The following PHF20L1 variants were observed in gnomAD, a reference collection of about 807,000 sequenced individuals.
PHF20L1 encodes PHD finger protein 20-like protein 1.
A neutral mutation model predicts 125.5 loss-of-function variants in PHF20L1; 44 were observed. The observed-to-expected ratio is 0.35, with a 90% CI of 0.28 to 0.45. The LOEUF (loss-of-function observed/expected upper bound fraction) is 0.45. PHF20L1 is among the 20% of genes least tolerant of loss of function. The probability of loss-of-function intolerance (pLI) is 1.00; values close to 1 mark genes in which losing one functional copy is unlikely to be tolerated. For missense variants in PHF20L1, 1,012 were observed against 1,217.2 expected (o/e 0.83, Z 2.51); for synonymous variants, 380 against 403.1 (o/e 0.94, Z 0.69).
intron 11 of PHF20L1, 110 bp from the exon 12 acceptor site, chr8:132,817,229 C>T (rs1748242504): frequency 2.0e-6 from 2 of 1,006,740 alleles, no homozygotes; most frequent in Non-Finnish European, 2.9e-6. Flanking sequence ...TATTGAGTGC[C>T]TTCTTTGTGC....
intron 2 of PHF20L1, among the ~76,000 whole-genome samples, chr8:132,787,983 A>T (rs534807831): frequency 5.3e-5 from 8 of 152,152 alleles, no homozygotes; most frequent in African/African-American, 1.9e-4. Flanking sequence ...TATGACTACC[A>T]TAGTTATAGA....
chr8:132,827,080 A>C lies in PHF20L1; in HGVS notation c.1744+1709A>C, dbSNP rs115877354. Among the ~76,000 whole-genome samples the C allele has an allele frequency of 3.9e-3, 595 of 151,592 alleles. 4 individuals are homozygous for C. Among genetic ancestry groups the C allele is most frequent in the African/African-American group, 0.012 (505 of 41,036 alleles). On this transcript the variant is annotated intron_variant, in intron 14 of 20. Transcript: ENST00000395386. ...GGATCAAAATGGGGTTCAAAGCTTG[A>C]AACGGCTTTCCAGAGAGTCTTGAAC...
In PHF20L1 at chr8:132,794,502, A is replaced by T. The variant is rs1200035325; in HGVS notation, c.176A>T (p.Tyr59Phe). 1 of 1,610,342 alleles carries T rather than the reference A, an allele frequency of 6.2e-7. No individual in the cohort carries two copies. Among genetic ancestry groups the T allele is most frequent in the African/African-American group, 1.3e-5 (1 of 74,954 alleles). ...RWSHRYDEWI[Y>F]WDSNRLRPLE... is the part of the protein sequence containing the mutation. ...AGTCATCGTTATGATGAGTGGATTT[A>T]CTGGGATAGCAATAGATTGCGACCC... Residue 59 changes from tyrosine (Y) to phenylalanine (F), a missense_variant, in exon 3 of 21, where the codon TAC (tyrosine) becomes TTC (phenylalanine). Tyr to Phe is a conservative substitution (Grantham distance 22, BLOSUM62 3). Coordinates refer to ENST00000395386, the MANE Select transcript of PHF20L1 (RefSeq NM_016018.5).
chr8:132,810,648 G>A (rs1195920131), intron 8 of PHF20L1: 3 of 157,110 alleles, frequency 1.9e-5, no homozygotes, highest in Admixed American at 1.9e-4. Context: ...TGTTCTGGAT[G>A]TTTGGAAGGA....
Position 132,842,806 on chromosome 8 carries a change from A to G in PHF20L1, c.2679A>G (p.Glu893=), listed in dbSNP as rs1333703401. ...ATGATGTTAGTAGTTTGGAAGAAGA[A>G]CAAGAATTCCACATGAGAAGTAAAA... The part of the protein sequence containing the change: ...DDDDVSSLEE[E]QEFHMRSKNS... The change falls in exon 19 of 21, where the codon GAA becomes GAG. Residue 893 remains glutamate (E), a synonymous_variant. Coordinates refer to ENST00000395386, the MANE Select transcript of PHF20L1 (RefSeq NM_016018.5). The G allele has an allele frequency of 1.2e-6, 2 of 1,612,982 alleles. No individual in the cohort carries two copies. Among genetic ancestry groups the G allele is most frequent in the African/African-American group, 1.3e-5 (1 of 74,880 alleles).
rs891429668 is a variant in PHF20L1 at position 132,848,652 on chromosome 8, C to A, written c.*2729C>A. 5 of 152,334 alleles carry A rather than the reference C, an allele frequency of 3.3e-5. No homozygotes were observed. The highest frequency in any genetic ancestry group is 1.2e-4 in the African/African-American group (5 of 41,394). The allele number at this position is 152,334 out of a possible 1,614,324, so 9.4% of individuals were successfully genotyped here. A position where few individuals can be genotyped will look rare whatever the true frequency, so the allele number is the denominator to read the frequency against. On this transcript the variant is annotated 3_prime_UTR_variant, in exon 21 of 21. Transcript: ENST00000395386. Reference sequence around the variant, plus strand: ...TTCCAAACTTAAGAGTAATGTACTTCGAAAACAACTTGGTTATTCTTTAAA... The same window carrying A: ...TTCCAAACTTAAGAGTAATGTACTTAGAAAACAACTTGGTTATTCTTTAAA...
chr8:132,846,372 C>T lies in PHF20L1; in HGVS notation c.*449C>T, dbSNP rs1356582278. On this transcript the variant is annotated 3_prime_UTR_variant, in exon 21 of 21. Coordinates refer to ENST00000395386, the MANE Select transcript of PHF20L1 (RefSeq NM_016018.5). ...TTCTGGAGAATTCTACAGGGTTGCT[C>T]TAAGAACTGTCTTCTCAGCAGTTGA... 6.5e-6 allele frequency: 1 copy of T among 152,948 alleles called. No homozygotes were observed. Among genetic ancestry groups the T allele is most frequent in the Non-Finnish European group, 1.5e-5 (1 of 68,328 alleles). The allele number at this position is 152,948 out of a possible 1,614,324, so 9.5% of individuals were successfully genotyped here.
rs1266268192 is a variant in PHF20L1 at position 132,813,479 on chromosome 8, ATTAT to A, written c.931-1146_931-1143del. 3.3e-5 allele frequency among the ~76,000 whole-genome samples: 5 copies of A among 152,036 alleles called. No individual in the cohort carries two copies. The South Asian group carries it at 1.0e-3, about 32-fold the overall frequency. On this transcript the variant is annotated intron_variant, in intron 9 of 20. Coordinates refer to ENST00000395386, the MANE Select transcript of PHF20L1 (RefSeq NM_016018.5). The stretch of plus-strand genomic sequence containing the variant: ...TGACTTGTATCTCAGTGGGAACAGA[ATTAT>A]TTATTTATTTAGTCCCCAGAAAATG...
At chr8:132,832,943 G>A (rs968597455) in intron 15 of PHF20L1, among the ~76,000 whole-genome samples, 2 of 152,120 alleles carry the variant, frequency 1.3e-5, no homozygotes, top group Non-Finnish European at 2.9e-5. Flanking sequence ...TAGGTAGTCA[G>A]AAGGCCACGT....
At chr8:132,780,776 T>G (rs1490072352) in intron 2 of PHF20L1, among the ~76,000 whole-genome samples, 1 of 151,878 alleles carries the variant, frequency 6.6e-6, no homozygotes, top group African/African-American at 2.4e-5. Context: ...AATCACCTTT[T>G]GAAGAGAAGT....
chr8:132,847,694 C>A lies in PHF20L1; in HGVS notation c.*1771C>A, dbSNP rs1838515574. 1 of 152,498 alleles carries A rather than the reference C, an allele frequency of 6.6e-6. No individual in the cohort carries two copies. Among genetic ancestry groups the A allele is most frequent in the African/African-American group, 2.4e-5 (1 of 41,410 alleles). The allele number at this position is 152,498 out of a possible 1,614,324, so 9.4% of individuals were successfully genotyped here. The stretch of plus-strand genomic sequence containing the variant: ...TGCCTTTTGAGATTCTCCAACTTGA[C>A]AAATGTGCCAAAGATCAACAGACAG... On this transcript the variant is annotated 3_prime_UTR_variant, in exon 21 of 21. Coordinates refer to ENST00000395386, the MANE Select transcript of PHF20L1 (RefSeq NM_016018.5).
intron 14 of PHF20L1, 99 bp downstream of exon 14, chr8:132,825,470 G>GTGTCCCGTGTTGAGAAC: frequency 1.0e-6 from 1 of 954,810 alleles, no homozygotes; most frequent in East Asian, 2.8e-5. Context: ...CACGATCCCC[G>GTGTCCCGTGTTGAGAAC]TGTCCCGTGT....
chr8:132,789,970 A>G lies in PHF20L1; in HGVS notation c.84-4440A>G, dbSNP rs528628975. 9.2e-5 allele frequency among the ~76,000 whole-genome samples: 14 copies of G among 152,306 alleles called. No individual in the cohort carries two copies. In the East Asian group the frequency reaches 1.2e-3, roughly 13 times the overall value. On this transcript the variant is annotated intron_variant, in intron 2 of 20. Coordinates refer to ENST00000395386, the MANE Select transcript of PHF20L1 (RefSeq NM_016018.5). Reference sequence around the variant, plus strand: ...CTCTAATCATTGTTATCGGCATCTTATCTCTGACTCTTCAAAATCTGAAAC... The same window carrying G: ...CTCTAATCATTGTTATCGGCATCTTGTCTCTGACTCTTCAAAATCTGAAAC...
chr8:132,832,461 TA>T, intron 15 of PHF20L1, 62 bp downstream of exon 15: 1 of 1,174,988 alleles, frequency 8.5e-7, no homozygotes, highest in African/African-American at 1.5e-5. Flanking sequence ...TAACTGAGAA[TA>T]AAACGTACTC....
intron 8 of PHF20L1, chr8:132,807,676 C>T (rs1213829090): frequency 1.6e-5 from 7 of 450,930 alleles, no homozygotes; most frequent in Non-Finnish European, 1.8e-5. Flanking sequence ...TTCCCCTTTC[C>T]CATTCCAGGG....
chr8:132,817,236 G>C, intron 11 of PHF20L1, 103 bp from the exon 12 acceptor site: 1 of 1,043,614 alleles, frequency 9.6e-7, no homozygotes. Flanking sequence ...TGCCTTCTTT[G>C]TGCCAGGCAC....
rs112329480 is a variant in PHF20L1 at position 132,794,289 on chromosome 8, C to T, written c.84-121C>T. On this transcript the variant is annotated intron_variant, in intron 2 of 20. Transcript: ENST00000395386. Reference sequence around the variant, plus strand: ...TTTTTGGTTAGTTTTAAAATATGGACGTATTTATTGTTTTCTTCATGGTTT... The same window carrying T: ...TTTTTGGTTAGTTTTAAAATATGGATGTATTTATTGTTTTCTTCATGGTTT... 990 of 582,434 alleles carry T rather than the reference C, an allele frequency of 1.7e-3. 4 individuals carry two copies. The highest frequency in any genetic ancestry group is 8.8e-3 in the African/African-American group (467 of 53,264). The allele number at this position is 582,434 out of a possible 1,614,324, so 36.1% of individuals were successfully genotyped here.
intron 16 of PHF20L1, 46 bp downstream of exon 16, chr8:132,836,767 G>A (rs753078040): frequency 2.6e-5 from 37 of 1,398,890 alleles, no homozygotes; most frequent in Non-Finnish European, 3.1e-5. Flanking sequence ...GTTGTTTCAG[G>A]TGCTCAGCAA....
intron 2 of PHF20L1, among the ~76,000 whole-genome samples, chr8:132,782,378 G>A (rs907113336): frequency 6.6e-6 from 1 of 152,142 alleles, no homozygotes; most frequent in Non-Finnish European, 1.5e-5. Context: ...ATAAAATTAT[G>A]TATTGCTTTA....
Sources: allele counts gnomAD v4.1 joint callset (sites outside exome capture counted in the v4.1 genomes callset), GRCh38; gene constraint gnomAD v4.1.1; transcripts MANE v1.5; gene names NCBI Gene and HGNC (gene_info 2026-07-23, HGNC 2026-07-21).